Variants in IRS2 observed in about 807,000 individuals in gnomAD.
The protein encoded by IRS2 is insulin receptor substrate 2.
IRS2 carries 28 observed loss-of-function variants against 70.9 expected under a neutral mutation model. The ratio of observed to expected loss-of-function variants is 0.39; its 90% CI spans 0.29 to 0.54. The LOEUF is 0.54. Among genes scored for constraint, IRS2 ranks in the 20% least tolerant of loss-of-function variants. The pLI, the probability that IRS2 is intolerant of heterozygous loss-of-function variation, is 0.59. For missense variants in IRS2, 2,081 were observed against 2,024.1 expected, an observed-to-expected ratio of 1.03 and a Z score of -0.54; for synonymous variants, 1,217 against 981.9, an observed-to-expected ratio of 1.24 and a Z score of -4.48.
chr13:109,785,157 C>T lies in IRS2; in HGVS notation c.897G>A (p.Glu299=), dbSNP rs375162215. ...ATTGGCTCTTACTGCGCGGCCGGAA[C>T]TCGAAGAGCTCCTTGAGCGCCTTCA... ...EAMKALKELF[E]FRPRSKSQSS... is the part of the protein sequence containing the mutation. Residue 299 remains glutamate (E), a synonymous_variant, in exon 1 of 2, where the codon GAG becomes GAA. Transcript: ENST00000375856. This position sits in a 1 kb window ranked among gnomAD's most constrained non-coding sequence, Gnocchi z 9.3. 15 of 1,599,546 alleles carry T rather than the reference C, an allele frequency of 9.4e-6. No individual in the cohort carries two copies. The highest frequency in any genetic ancestry group is 1.6e-4 in the Middle Eastern group (1 of 6,074).
intron 1 of IRS2, among the ~76,000 whole-genome samples, chr13:109,758,983 G>A (rs1301134840): frequency 6.6e-6 from 1 of 151,976 alleles, no homozygotes; most frequent in Non-Finnish European, 1.5e-5. Context: ...ATTACAGGAA[G>A]ATGAACCTGT....
intron 1 of IRS2, among the ~76,000 whole-genome samples, chr13:109,757,113 CTCAA>C (rs1266333577): frequency 6.6e-6 from 1 of 152,116 alleles, no homozygotes; most frequent in East Asian, 1.9e-4. Context: ...TTTAACCTTT[CTCAA>C]TTTCCAGTGT....
chr13:109,760,675 T>C (rs1400696892), intron 1 of IRS2, among the ~76,000 whole-genome samples: 1 of 152,080 alleles, frequency 6.6e-6, no homozygotes, highest in African/African-American at 2.4e-5. Flanking sequence ...CCTCCCCTTT[T>C]CTCCTCCACT....
rs1326695092 is a variant in IRS2 at position 109,785,766 on chromosome 13, G to A, written c.288C>T (p.Asp96=). Residue 96 remains aspartate (D), a synonymous_variant, in exon 1 of 2, where the codon GAC becomes GAT. Transcript: ENST00000375856. This position sits in a 1 kb window ranked among gnomAD's most constrained non-coding sequence, Gnocchi z 9.3. The part of the protein sequence containing the change: ...AGAPKRVIAL[D]CCLNINKRAD... ...CGCGCTTGTTGATGTTCAGGCAGCA[G>A]TCGAGAGCGATCACCCGTTTCGGCG... 1.3e-6 allele frequency: 2 copies of A among 1,593,780 alleles called. No individual in the cohort carries two copies. The highest frequency in any genetic ancestry group is 8.5e-7 in the Non-Finnish European group (1 of 1,177,130).
chr13:109,777,738 C>A (rs1165558293), intron 1 of IRS2, among the ~76,000 whole-genome samples: 5 of 152,166 alleles, frequency 3.3e-5, no homozygotes, highest in African/African-American at 1.2e-4. Context: ...GTCAACATCT[C>A]TTAATATAAA....
At chr13:109,771,747 G>T (rs1877455748) in intron 1 of IRS2, among the ~76,000 whole-genome samples, 1 of 152,158 alleles carries the variant, frequency 6.6e-6, no homozygotes, top group South Asian at 2.1e-4. Flanking sequence ...CAAAGGTGTG[G>T]GGTAAGAAAC....
In IRS2 at chr13:109,782,626, C is replaced by G. The variant is rs2138930238; in HGVS notation, c.3428G>C (p.Gly1143Ala). 4.4e-6 allele frequency: 7 copies of G among 1,573,102 alleles called. No individual in the cohort carries two copies. Among genetic ancestry groups the G allele is most frequent in the Non-Finnish European group, 6.0e-6 (7 of 1,161,312 alleles). The change falls in exon 1 of 2, where the codon GGC (glycine) becomes GCC (alanine). Residue 1143 changes from glycine (G) to alanine (A), a missense_variant. By Grantham distance (60) the Gly-to-Ala change is moderately conservative. This residue lies in a region of IRS2 where 1,615 missense variants were observed against 1,459.5 expected (regional missense o/e 1.11). Coordinates refer to ENST00000375856, the MANE Select transcript of IRS2 (RefSeq NM_003749.3). ...GGTCTCGGAACTGTGGCGGCGGCGGCCCCCCTGCGGGTCTGCGCGGATGAC... is the reference window on the plus strand; with the variant it reads ...GGTCTCGGAACTGTGGCGGCGGCGGGCCCCCTGCGGGTCTGCGCGGATGAC... ...AKVIRADPQG[G>A]RRRHSSETFS...
intron 1 of IRS2, among the ~76,000 whole-genome samples, chr13:109,769,724 G>A (rs1877411943): frequency 6.6e-6 from 1 of 152,112 alleles, no homozygotes; most frequent in Non-Finnish European, 1.5e-5. Flanking sequence ...CCCACTTTCT[G>A]TTATTCTTTT....
At position 109,755,800 on chromosome 13, in the gene IRS2, G is replaced by A. The variant is rs1048445395; in HGVS notation, c.*504C>T. 8.8e-6 allele frequency: 2 copies of A among 226,058 alleles called. No individual in the cohort carries two copies. Among genetic ancestry groups the A allele is most frequent in the East Asian group, 6.5e-5 (1 of 15,276 alleles). The allele number at this position is 226,058 out of a possible 1,614,324, so 14.0% of individuals were successfully genotyped here. A position where few individuals can be genotyped will look rare whatever the true frequency, so the allele number is the denominator to read the frequency against. On this transcript the variant is annotated 3_prime_UTR_variant, in exon 2 of 2. Coordinates refer to ENST00000375856, the MANE Select transcript of IRS2 (RefSeq NM_003749.3). Reference sequence around the variant, plus strand: ...CACAGCGCAGGGGCTACTACAGGAGGTCCTGTGGGACCCCCGCCACGGAAA... The same window carrying A: ...CACAGCGCAGGGGCTACTACAGGAGATCCTGTGGGACCCCCGCCACGGAAA...
rs974409493 is a variant in IRS2 at position 109,785,369 on chromosome 13, C to A, written c.685G>T (p.Val229Leu). The change falls in exon 1 of 2, where the codon GTG becomes TTG. Residue 229 changes from valine (V) to leucine (L), a missense_variant. By Grantham distance (32) the Val-to-Leu change is conservative (BLOSUM62 1). This residue lies in a region of IRS2 where 320 missense variants were observed against 352.9 expected (regional missense o/e 0.91). Coordinates refer to ENST00000375856, the MANE Select transcript of IRS2 (RefSeq NM_003749.3). This position sits in a 1 kb window ranked among gnomAD's most constrained non-coding sequence, Gnocchi z 9.3. ...LCLSARTIGF[V>L]KLNCEQPSVT... ...GACGGCTGCTCGCAGTTGAGCTTCA[C>A]GAAGCCGATGGTGCGCGCAGACAGG... The A allele has an allele frequency of 1.9e-6, 3 of 1,612,396 alleles. No homozygotes were observed. The highest frequency in any genetic ancestry group is 2.5e-6 in the Non-Finnish European group (3 of 1,179,860).
At chr13:109,773,378 G>T (rs1161598513) in intron 1 of IRS2, among the ~76,000 whole-genome samples, 1 of 152,072 alleles carries the variant, frequency 6.6e-6, no homozygotes, top group East Asian at 1.9e-4. Flanking sequence ...AATGTTAATG[G>T]ACTTATCCAT....
rs1877879559 is a variant in IRS2 at position 109,785,164 on chromosome 13, A to G, written c.890T>C (p.Leu297Pro). 1 of 1,599,966 alleles carries G rather than the reference A, an allele frequency of 6.3e-7. No homozygotes were observed. The highest frequency in any genetic ancestry group is 1.3e-5 in the African/African-American group (1 of 74,570). The stretch of plus-strand genomic sequence containing the variant: ...CTTACTGCGCGGCCGGAACTCGAAG[A>G]GCTCCTTGAGCGCCTTCATGGCCTC... ...ILEAMKALKE[L>P]FEFRPRSKSQ... The change falls in exon 1 of 2, where the codon CTC (leucine) becomes CCC (proline). Residue 297 changes from leucine to proline, a missense_variant. This residue lies in a region of IRS2 where 111 missense variants were observed against 133.1 expected (regional missense o/e 0.83). Transcript: ENST00000375856. This position sits in a 1 kb window ranked among gnomAD's most constrained non-coding sequence, Gnocchi z 9.3.
chr13:109,767,078 A>G (rs929071065), intron 1 of IRS2, among the ~76,000 whole-genome samples: 3 of 152,176 alleles, frequency 2.0e-5, no homozygotes, highest in African/African-American at 7.2e-5. Flanking sequence ...GGTCAGGGAC[A>G]TGGAGGGAGG....
At chr13:109,769,413 A>T (rs1411638385) in intron 1 of IRS2, among the ~76,000 whole-genome samples, 3 of 152,074 alleles carry the variant, frequency 2.0e-5, no homozygotes, top group Admixed American at 1.3e-4. Flanking sequence ...TTTGAGCCTT[A>T]GCTCTCCATG....
Position 109,777,197 on chromosome 13 carries a change from A to G in IRS2, c.4012+4845T>C, listed in dbSNP as rs569975651. On this transcript the variant is annotated intron_variant, in intron 1 of 1. Transcript: ENST00000375856. ...AATGCAGATGAAAGAATAAAGTTACATTTTCCCTTAAGTTTATAAGGTGAA... is the reference window on the plus strand; with the variant it reads ...AATGCAGATGAAAGAATAAAGTTACGTTTTCCCTTAAGTTTATAAGGTGAA... Among the ~76,000 whole-genome samples the G allele has an allele frequency of 3.9e-5, 6 of 152,150 alleles. No homozygotes were observed. The East Asian group carries it at 1.2e-3, about 30-fold the overall frequency.
rs750038928 is a variant in IRS2 at position 109,785,872 on chromosome 13, G to C, written c.182C>G (p.Thr61Arg). 6.6e-7 allele frequency: 1 copy of C among 1,504,710 alleles called. No individual in the cohort carries two copies. Among genetic ancestry groups the C allele is most frequent in the Non-Finnish European group, 8.8e-7 (1 of 1,132,282 alleles). 93.2% of individuals were successfully genotyped at this position (1,504,710 alleles called of 1,614,324 possible). A position where few individuals can be genotyped will look rare whatever the true frequency, so the allele number is the denominator to read the frequency against. Reference sequence around the variant, plus strand: ...TTGCGGCGCCGACCCCCCGCCCGCCGTCGCCTCGTCGCCGCCCGCGCCGGG... The same window carrying C: ...TTGCGGCGCCGACCCCCCGCCCGCCCTCGCCTCGTCGCCGCCCGCGCCGGG... ...RGPGAGGDEA[T>R]AGGGSAPQPP... Residue 61 changes from threonine (T) to arginine (R), a missense_variant, in exon 1 of 2, where the codon ACG (threonine) becomes AGG (arginine). Coordinates refer to ENST00000375856, the MANE Select transcript of IRS2 (RefSeq NM_003749.3). This position sits in a 1 kb window ranked among gnomAD's most constrained non-coding sequence, Gnocchi z 9.3.
intron 1 of IRS2, among the ~76,000 whole-genome samples, chr13:109,762,318 G>A (rs977177740): frequency 1.3e-5 from 2 of 152,294 alleles, no homozygotes; most frequent in African/African-American, 4.8e-5. Context: ...CAAGAATTGC[G>A]GGTGGACCCT....
Position 109,784,262 on chromosome 13 carries a change from A to G in IRS2, c.1792T>C (p.Tyr598His), listed in dbSNP as rs750559538. The G allele has an allele frequency of 3.1e-6, 5 of 1,589,260 alleles. No individual in the cohort carries two copies. The highest frequency in any genetic ancestry group is 1.7e-5 in the Admixed American group (1 of 58,720). The change falls in exon 1 of 2, where the codon TAC becomes CAC. Residue 598 changes from tyrosine (Y) to histidine (H), a missense_variant. This residue lies in a region of IRS2 where 1,615 missense variants were observed against 1,459.5 expected (regional missense o/e 1.11). Transcript: ENST00000375856. This position sits in a 1 kb window ranked among gnomAD's most constrained non-coding sequence, Gnocchi z 5.2. ...PQPSSASLDEYTLMRATFSGS... is the reference protein window; with the variant it reads ...PQPSSASLDEHTLMRATFSGS... ...GAGAAGGTGGCCCGCATCAGGGTGT[A>G]TTCATCCAGCGAGGCAGAGGAGGGC...
At chr13:109,774,240 G>T (rs1877521715) in intron 1 of IRS2, among the ~76,000 whole-genome samples, 2 of 152,242 alleles carry the variant, frequency 1.3e-5, no homozygotes, top group Admixed American at 6.5e-5. Context: ...TTTCCACTTT[G>T]TTGACACATC....
Sources: gnomAD v4.1 joint callset for allele counts (sites outside exome capture counted in the v4.1 genomes callset) on GRCh38, gnomAD v4.1.1 for gene constraint, gnomAD v4.1.1 regional missense constraint, Gnocchi (gnomAD v3.1) non-coding constraint, MANE v1.5 for transcripts, NCBI Gene and HGNC (gene_info 2026-07-23, HGNC 2026-07-21) for gene names.